The following CALN1 variants were observed in gnomAD, a reference collection of about 807,000 sequenced individuals.
CALN1 encodes calcium-binding protein 8.
CALN1 carries 17 observed loss-of-function variants against 30.6 expected under a neutral mutation model. That is an observed-to-expected ratio of 0.56 (90% confidence interval 0.38 to 0.83). CALN1 has a LOEUF of 0.83. Ranked by LOEUF, CALN1 falls within the 40% of genes least tolerant of loss-of-function variation. CALN1 has a pLI of 0.00. For synonymous variants in CALN1, 156 were observed against 131.4 expected, an observed-to-expected ratio of 1.19 and a Z score of -1.28; for missense variants, 291 against 354.9, an observed-to-expected ratio of 0.82 and a Z score of 1.45.
chr7:72,251,904 G>A (rs993980658), intron 3 of CALN1, among the ~76,000 whole-genome samples: 2 of 152,062 alleles, frequency 1.3e-5, no homozygotes, highest in African/African-American at 4.8e-5. Context: ...AATTGCATGT[G>A]ACTCTACACA....
At chr7:72,112,017 C>T (rs1457273100) in intron 3 of CALN1, among the ~76,000 whole-genome samples, 4 of 152,100 alleles carry the variant, frequency 2.6e-5, no homozygotes, top group Admixed American at 2.6e-4. Context: ...TCCCAAAGTG[C>T]TAGGATAACA....
At chr7:72,444,101 G>A (rs1356988808) in intron 1 of CALN1, among the ~76,000 whole-genome samples, 1 of 151,698 alleles carries the variant, frequency 6.6e-6, no homozygotes, top group Non-Finnish European at 1.5e-5. Flanking sequence ...CTTTTTTAAT[G>A]GATTGATATA....
chr7:72,198,882 C>G (rs190686267), intron 3 of CALN1, among the ~76,000 whole-genome samples: 1 of 152,188 alleles, frequency 6.6e-6, no homozygotes, highest in African/African-American at 2.4e-5. Flanking sequence ...AGGAGGTCAT[C>G]AAGCTCTCAC....
At chr7:71,924,681 T>C (rs1328509103) in intron 5 of CALN1, among the ~76,000 whole-genome samples, 2 of 152,218 alleles carry the variant, frequency 1.3e-5, no homozygotes, top group Non-Finnish European at 2.9e-5. Flanking sequence ...TGTTTACCTT[T>C]GGTTTTCAGT....
intron 4 of CALN1, among the ~76,000 whole-genome samples, chr7:72,085,075 T>C (rs1805393661): frequency 6.6e-6 from 1 of 152,226 alleles, no homozygotes; most frequent in South Asian, 2.1e-4. Context: ...CCGAAGCACA[T>C]GATCCTCTTT....
chr7:72,415,950 C>A (rs1807407590), upstream of CALN1, among the ~76,000 whole-genome samples: 1 of 152,190 alleles, frequency 6.6e-6, no homozygotes, highest in East Asian at 1.9e-4. Context: ...AGGACAAAAA[C>A]AAACAGCCCC....
At chr7:72,428,400 T>A (rs138528541) in intron 1 of CALN1, among the ~76,000 whole-genome samples, 3,999 of 151,256 alleles carry the variant, frequency 0.026, 161 homozygotes, top group African/African-American at 0.089. Flanking sequence ...TTTTATTATT[T>A]TTTTTTTTTG....
At chr7:71,979,962 T>C (rs1360066672) in intron 5 of CALN1, among the ~76,000 whole-genome samples, 1 of 149,596 alleles carries the variant, frequency 6.7e-6, no homozygotes. Flanking sequence ...ACTGCAACAT[T>C]TACCTCTCAG....
At chr7:72,082,614 T>TA (rs1805220549) in intron 4 of CALN1, among the ~76,000 whole-genome samples, 1 of 152,150 alleles carries the variant, frequency 6.6e-6, no homozygotes, top group African/African-American at 2.4e-5. Context: ...GCAGCTCCAC[T>TA]ATAAAGCATA....
intron 5 of CALN1, among the ~76,000 whole-genome samples, chr7:71,836,731 C>T (rs1385582138): frequency 2.0e-5 from 3 of 151,192 alleles, no homozygotes; most frequent in Admixed American, 2.0e-4. Flanking sequence ...AATTCTTGTG[C>T]CTCAGCCTCC....
At chr7:71,965,530 AAAG>A (rs1797488559) in intron 5 of CALN1, among the ~76,000 whole-genome samples, 2 of 152,154 alleles carry the variant, frequency 1.3e-5, no homozygotes, top group Non-Finnish European at 2.9e-5. Flanking sequence ...TTCATTCTAC[AAAG>A]AAGGGCTTCA....
At chr7:72,039,954 T>C (rs548519418) in intron 4 of CALN1, among the ~76,000 whole-genome samples, 115 of 152,206 alleles carry the variant, frequency 7.6e-4, no homozygotes, top group Non-Finnish European at 1.2e-3. Context: ...CAGCTCCAGC[T>C]CCAGCCCAGG....
At chr7:72,427,917 C>T (rs1807849224) in intron 1 of CALN1, among the ~76,000 whole-genome samples, 1 of 152,136 alleles carries the variant, frequency 6.6e-6, no homozygotes, top group Non-Finnish European at 1.5e-5. Context: ...TCTCTCTTGT[C>T]CTCACTGCCT....
At chr7:72,166,089 C>T (rs183527471) in intron 3 of CALN1, among the ~76,000 whole-genome samples, 21 of 152,302 alleles carry the variant, frequency 1.4e-4, no homozygotes, top group East Asian at 9.6e-4. Flanking sequence ...GCAGTGAGCA[C>T]TAGCCATGTA....
At chr7:72,247,911 T>C (rs896652615) in intron 3 of CALN1, among the ~76,000 whole-genome samples, 2 of 152,182 alleles carry the variant, frequency 1.3e-5, no homozygotes, top group Non-Finnish European at 2.9e-5. Context: ...GACAGGAGGA[T>C]GGCTTGAGCC....
chr7:72,491,309 C>A, the CALN1 span, among the ~76,000 whole-genome samples: 1 of 151,818 alleles, frequency 6.6e-6, no homozygotes, highest in East Asian at 1.9e-4. Context: ...TGGCTCATGT[C>A]TGTAATTCTA....
chr7:71,935,259 A>T (rs1364322267), intron 5 of CALN1, among the ~76,000 whole-genome samples: 1 of 152,182 alleles, frequency 6.6e-6, no homozygotes, highest in African/African-American at 2.4e-5. Context: ...CTGGCAAAGG[A>T]GTTGTTTCAG....
intron 3 of CALN1, among the ~76,000 whole-genome samples, chr7:72,125,507 A>G (rs1243938699): frequency 6.6e-6 from 1 of 152,228 alleles, no homozygotes; most frequent in Admixed American, 6.5e-5. Flanking sequence ...GTGTATAGAA[A>G]AGTGATAAAT....
intron 3 of CALN1, among the ~76,000 whole-genome samples, chr7:72,239,181 G>A (rs1794676087): frequency 6.6e-6 from 1 of 152,156 alleles, no homozygotes. Flanking sequence ...AGGATCACTA[G>A]AGGCCAGGAG....
Sources: allele counts gnomAD v4.1 joint callset (sites outside exome capture counted in the v4.1 genomes callset), GRCh38; gene constraint gnomAD v4.1.1; transcripts MANE v1.5; gene names NCBI Gene and HGNC (gene_info 2026-07-23, HGNC 2026-07-21).